RRP12: variants seen among roughly 807,000 people sequenced by gnomAD.
RRP12 encodes the protein ribosomal RNA processing 12 homolog, also known as RRP12-like protein.
In RRP12, 78 loss-of-function variants were observed where a neutral mutation model predicts 157.3. That is an observed-to-expected ratio of 0.50 (90% CI 0.41 to 0.60). The LOEUF is 0.60. Among genes scored for constraint, RRP12 ranks in the 20% least tolerant of loss-of-function variants. The pLI is 0.00. For synonymous variants in RRP12, 726 were observed against 670.9 expected, an observed-to-expected ratio of 1.08 and a Z score of -1.27; for missense variants, 1,521 against 1,679.9, an observed-to-expected ratio of 0.91 and a Z score of 1.65.
At chr10:97,385,047 T>A in intron 10 of RRP12, 119 bp downstream of exon 10, 1 of 423,718 alleles carries the variant, frequency 2.4e-6, no homozygotes, top group East Asian at 5.5e-5. Context: ...CCCCCCAACC[T>A]TGGCAGCCAG....
In RRP12 at chr10:97,363,846, C is replaced by A; in HGVS notation, c.3567+8G>T. The A allele has an allele frequency of 1.2e-6, 2 of 1,612,494 alleles. No homozygotes were observed. Among genetic ancestry groups the A allele is most frequent in the Non-Finnish European group, 8.5e-7 (1 of 1,178,468 alleles). On this transcript the variant is annotated splice_region_variant and intron_variant, in intron 30 of 33. Coordinates refer to ENST00000370992, the MANE Select transcript of RRP12 (RefSeq NM_015179.4). ...AGCCCTAGCCCCCCATCTGCAGGAA[C>A]TACTCACATTCCTGATGATCACATC...
At position 97,372,719 on chromosome 10, in the gene RRP12, G is replaced by A. The variant is rs543451756; in HGVS notation, c.2249+17C>T. On this transcript the variant is annotated intron_variant, in intron 19 of 33. Coordinates refer to ENST00000370992, the MANE Select transcript of RRP12 (RefSeq NM_015179.4). ...CTGGGCTGCTCCAGCTCAAGTGGGA[G>A]GCCCTGAGCATGTTACCTGGTAAAG... 8.2e-5 allele frequency: 127 copies of A among 1,551,912 alleles called. 1 individual carries two copies. In the East Asian group the frequency reaches 1.3e-3, roughly 15 times the overall value.
At chr10:97,384,411 C>A (rs1172703748) in intron 10 of RRP12, among the ~76,000 whole-genome samples, 4 of 147,608 alleles carry the variant, frequency 2.7e-5, no homozygotes, top group Non-Finnish European at 6.0e-5. Context: ...ACCCCCCAAC[C>A]TTGGCAGCCA....
intron 31 of RRP12, among the ~76,000 whole-genome samples, chr10:97,359,868 T>C (rs1446438443): frequency 6.6e-6 from 1 of 152,058 alleles, no homozygotes; most frequent in Non-Finnish European, 1.5e-5. Flanking sequence ...GGAAGAGCCA[T>C]GAGGTTGTGC....
chr10:97,401,101 C>G lies in RRP12; in HGVS notation c.131G>C (p.Arg44Pro). 1 of 1,613,410 alleles carries G rather than the reference C, an allele frequency of 6.2e-7. No individual in the cohort carries two copies. Among genetic ancestry groups the G allele is most frequent in the Non-Finnish European group, 8.5e-7 (1 of 1,179,746 alleles). ...RQAARSRFFS[R>P]PSGRSDLTVD... Reference sequence around the variant, plus strand: ...GGTCTCAACCCAGCTACCTGACGGCCGGCTGAAGAAGCGGCTGCGGGCGGC... The same window carrying G: ...GGTCTCAACCCAGCTACCTGACGGCGGGCTGAAGAAGCGGCTGCGGGCGGC... The change falls in exon 1 of 34, where the codon CGG (arginine) becomes CCG (proline). Residue 44 changes from arginine to proline, a missense_variant. Physicochemically the swap from Arg to Pro is moderately radical, Grantham distance 103. Transcript: ENST00000370992.
At chr10:97,375,213 T>C (rs10882908) in intron 15 of RRP12, among the ~76,000 whole-genome samples, 57,253 of 149,226 alleles carry the variant, frequency 0.38, 11,326 homozygotes, top group African/African-American at 0.5. Flanking sequence ...CTTTCCTCAG[T>C]CTCCCAAGTA....
chr10:97,390,523 G>T lies in RRP12; in HGVS notation c.653C>A (p.Ala218Asp), dbSNP rs1275967395. 6.2e-7 allele frequency: 1 copy of T among 1,613,650 alleles called. No individual in the cohort carries two copies. The highest frequency in any genetic ancestry group is 1.1e-5 in the South Asian group (1 of 91,068). ...CAGGTCTTGCTTCCGCAGAAGGGTGGCCAGGCAGGAAAGGACCTGGAAGAA... is the reference window on the plus strand; with the variant it reads ...CAGGTCTTGCTTCCGCAGAAGGGTGTCCAGGCAGGAAAGGACCTGGAAGAA... Reference protein sequence around the residue: ...SVLRWVLSCLATLLRKQDLEA... With the variant: ...SVLRWVLSCLDTLLRKQDLEA... The change falls in exon 6 of 34, where the codon GCC becomes GAC. Residue 218 changes from alanine to aspartate, a missense_variant. Coordinates refer to ENST00000370992, the MANE Select transcript of RRP12 (RefSeq NM_015179.4).
intron 4 of RRP12, 92 bp downstream of exon 4, chr10:97,393,592 A>T: frequency 2.0e-6 from 2 of 1,021,108 alleles, no homozygotes; most frequent in Non-Finnish European, 3.1e-6. Flanking sequence ...GTATCTTTTT[A>T]AATAACAATT....
chr10:97,384,532 C>A lies in RRP12; in HGVS notation c.1208+634G>T, dbSNP rs147550652. Among the ~76,000 whole-genome samples the A allele has an allele frequency of 2.4e-3, 358 of 150,396 alleles. 1 individual carries two copies. In the Middle Eastern group the frequency reaches 0.055, roughly 23 times the overall value. On this transcript the variant is annotated intron_variant, in intron 10 of 33. Transcript: ENST00000370992. ...CCTGAGAACTCCATAACCTCAGCAG[C>A]CAGGATGAAGGCCTTAAGTACCCCC...
At chr10:97,387,029 G>C (rs951682175) in intron 8 of RRP12, among the ~76,000 whole-genome samples, 4 of 151,802 alleles carry the variant, frequency 2.6e-5, no homozygotes, top group Admixed American at 2.6e-4. Flanking sequence ...AGTTGGCGGG[G>C]GTATCTGTGG....
intron 1 of RRP12, 59 bp downstream of exon 1, chr10:97,401,034 T>A: frequency 1.9e-6 from 3 of 1,590,476 alleles, no homozygotes; most frequent in Non-Finnish European, 2.6e-6. Flanking sequence ...CAGACTCATC[T>A]GGACCCAGGT....
At chr10:97,380,194 A>T (rs1160819986) in intron 13 of RRP12, among the ~76,000 whole-genome samples, 2 of 152,170 alleles carry the variant, frequency 1.3e-5, no homozygotes, top group Admixed American at 1.3e-4. Context: ...AACCTAATTT[A>T]TCAGGGCTCA....
intron 8 of RRP12, among the ~76,000 whole-genome samples, chr10:97,386,467 C>T (rs1844635596): frequency 6.6e-6 from 1 of 151,964 alleles, no homozygotes; most frequent in Non-Finnish European, 1.5e-5. Flanking sequence ...CAGGTGTGAG[C>T]CACTGCACCT....
Position 97,373,819 on chromosome 10 carries a change from C to T in RRP12, c.1863+11G>A. 6.2e-7 allele frequency: 1 copy of T among 1,613,858 alleles called. No individual in the cohort carries two copies. On this transcript the variant is annotated intron_variant, in intron 16 of 33. Coordinates refer to ENST00000370992, the MANE Select transcript of RRP12 (RefSeq NM_015179.4). Reference sequence around the variant, plus strand: ...TGCTTCTCCCCACGCCCTCCCCCAGCTGACCCTTACCTGCCACTGGAGTGT... The same window carrying T: ...TGCTTCTCCCCACGCCCTCCCCCAGTTGACCCTTACCTGCCACTGGAGTGT...
chr10:97,379,435 A>T, intron 14 of RRP12, 21 bp from the exon 15 acceptor site: 1 of 1,613,594 alleles, frequency 6.2e-7, no homozygotes, highest in Non-Finnish European at 8.5e-7. Flanking sequence ...AATGGGAAGA[A>T]CCCAATGAGG....
chr10:97,369,830 G>C (rs1844092206), intron 24 of RRP12, among the ~76,000 whole-genome samples: 1 of 152,250 alleles, frequency 6.6e-6, no homozygotes, highest in Non-Finnish European at 1.5e-5. Context: ...TAATCAAGCT[G>C]TTCTAGGTCT....
chr10:97,365,390 C>T (rs1288623881), intron 29 of RRP12, among the ~76,000 whole-genome samples: 1 of 151,612 alleles, frequency 6.6e-6, no homozygotes, highest in African/African-American at 2.4e-5. Context: ...TCTCCTGCCT[C>T]AGCCTCCCGA....
intron 10 of RRP12, among the ~76,000 whole-genome samples, chr10:97,383,357 G>A (rs1320335895): frequency 6.6e-6 from 1 of 152,220 alleles, no homozygotes; most frequent in Admixed American, 6.5e-5. Flanking sequence ...CATCAGGGCT[G>A]TGTGACTAGC....
At chr10:97,369,226 G>A (rs2275582) in intron 25 of RRP12, among the ~76,000 whole-genome samples, 199 bp downstream of exon 25, 50,531 of 152,142 alleles carry the variant, frequency 0.33, 9,022 homozygotes, top group African/African-American at 0.47. Flanking sequence ...GCTCTGGGGT[G>A]AAGAAAGCCA....
Sources: gnomAD v4.1 joint callset for allele counts (sites outside exome capture counted in the v4.1 genomes callset) on GRCh38, gnomAD v4.1.1 for gene constraint, MANE v1.5 for transcripts, NCBI Gene and HGNC (gene_info 2026-07-23, HGNC 2026-07-21) for gene names.